KCTD8: variants seen among roughly 807,000 people sequenced by gnomAD.
The protein encoded by KCTD8 is potassium channel tetramerization domain containing 8.
KCTD8 carries 27 observed loss-of-function variants against 31.5 expected under a neutral mutation model. The ratio of observed to expected loss-of-function variants is 0.86; its 90% confidence interval spans 0.63 to 1.18. The LOEUF is 1.18. Among genes scored for constraint, KCTD8 ranks in the 50% most tolerant of loss-of-function variants. The pLI, the probability that KCTD8 is intolerant of heterozygous loss-of-function variation, is 0.00. For synonymous variants in KCTD8, 290 were observed against 280.0 expected, an observed-to-expected ratio of 1.04 and a Z score of -0.36; for missense variants, 658 against 647.7, an observed-to-expected ratio of 1.02 and a Z score of -0.17.
At chr4:44,284,250 C>CA (rs200778567) in intron 1 of KCTD8, among the ~76,000 whole-genome samples, 4,472 of 152,128 alleles carry the variant, frequency 0.029, 236 homozygotes, top group African/African-American at 0.1. Flanking sequence ...GTACAGTAAC[C>CA]AAACAGCATG....
chr4:44,283,651 T>C (rs1212478128), intron 1 of KCTD8, among the ~76,000 whole-genome samples: 1 of 152,110 alleles, frequency 6.6e-6, no homozygotes, highest in East Asian at 1.9e-4. Flanking sequence ...AAGCCCACTA[T>C]TGAGACCTAC....
intron 1 of KCTD8, among the ~76,000 whole-genome samples, chr4:44,228,671 A>G (rs1160064217): frequency 3.3e-5 from 5 of 152,234 alleles, no homozygotes; most frequent in African/African-American, 4.8e-5. Context: ...TTCCTGACCA[A>G]TCTGAAACAC....
At chr4:44,436,642 T>C (rs1208790936) in intron 1 of KCTD8, among the ~76,000 whole-genome samples, 2 of 152,086 alleles carry the variant, frequency 1.3e-5, no homozygotes, top group Non-Finnish European at 2.9e-5. Flanking sequence ...TGAAATAATA[T>C]TTGGGGTTTG....
At chr4:44,240,988 G>T (rs963810794) in intron 1 of KCTD8, among the ~76,000 whole-genome samples, 1 of 152,120 alleles carries the variant, frequency 6.6e-6, no homozygotes, top group East Asian at 1.9e-4. Flanking sequence ...AATCACAGAT[G>T]GTTTTGAGAC....
At chr4:44,442,902 C>G (rs866540933) in intron 1 of KCTD8, among the ~76,000 whole-genome samples, 1 of 151,808 alleles carries the variant, frequency 6.6e-6, no homozygotes, top group Non-Finnish European at 1.5e-5. Flanking sequence ...AAAGATTGAC[C>G]CACACAAAGC....
intron 1 of KCTD8, among the ~76,000 whole-genome samples, chr4:44,203,944 A>T (rs979916657): frequency 8.6e-5 from 13 of 151,546 alleles, no homozygotes; most frequent in African/African-American, 2.9e-4. Context: ...ATTTAGTAAT[A>T]AAAAAAAGCA....
At chr4:44,436,814 A>C (rs1438962860) in intron 1 of KCTD8, among the ~76,000 whole-genome samples, 1 of 152,120 alleles carries the variant, frequency 6.6e-6, no homozygotes, top group Non-Finnish European at 1.5e-5. Flanking sequence ...ATAACATCTA[A>C]GCAAAGACTA....
chr4:44,349,068 ACCG>A (rs1393144810), intron 1 of KCTD8, among the ~76,000 whole-genome samples: 7 of 93,974 alleles, frequency 7.4e-5, no homozygotes, highest in Non-Finnish European at 1.6e-4. Flanking sequence ...CATCGCTGCC[ACCG>A]CCACCACCAC....
At chr4:44,373,957 CA>C (rs1560438971) in intron 1 of KCTD8, among the ~76,000 whole-genome samples, 2 of 152,158 alleles carry the variant, frequency 1.3e-5, no homozygotes, top group African/African-American at 4.8e-5. Flanking sequence ...TAGTTAAAAA[CA>C]TATAAATCTG....
intron 1 of KCTD8, among the ~76,000 whole-genome samples, chr4:44,390,786 T>C (rs1422748413): frequency 6.6e-6 from 1 of 151,900 alleles, no homozygotes; most frequent in African/African-American, 2.4e-5. Context: ...GCATTGATAA[T>C]AAAATAATAG....
intron 1 of KCTD8, among the ~76,000 whole-genome samples, chr4:44,366,039 T>C (rs1255540432): frequency 3.9e-5 from 6 of 152,212 alleles, no homozygotes; most frequent in Non-Finnish European, 4.4e-5. Context: ...ACATGATTTA[T>C]ATAAAATTAT....
chr4:44,411,654 G>T (rs956033963), intron 1 of KCTD8, among the ~76,000 whole-genome samples: 1 of 152,072 alleles, frequency 6.6e-6, no homozygotes, highest in Non-Finnish European at 1.5e-5. Flanking sequence ...TAGGGTTGTA[G>T]AAATGGAATT....
intron 1 of KCTD8, among the ~76,000 whole-genome samples, chr4:44,323,567 T>C (rs1481822695): frequency 3.6e-5 from 5 of 140,468 alleles, no homozygotes; most frequent in African/African-American, 1.3e-4. Flanking sequence ...AGGAAACGTA[T>C]GACAAGTCTA....
intron 1 of KCTD8, among the ~76,000 whole-genome samples, chr4:44,278,239 T>C (rs1220000741): frequency 6.6e-6 from 1 of 152,062 alleles, no homozygotes; most frequent in Non-Finnish European, 1.5e-5. Flanking sequence ...TAACTATATG[T>C]ATCAACATGA....
chr4:44,388,207 T>C (rs781673418), intron 1 of KCTD8, among the ~76,000 whole-genome samples: 1 of 151,530 alleles, frequency 6.6e-6, no homozygotes, highest in Non-Finnish European at 1.5e-5. Flanking sequence ...CAAAAAATAA[T>C]AGATGCTAGT....
At chr4:44,437,957 GACC>G (rs2109482178) in intron 1 of KCTD8, among the ~76,000 whole-genome samples, 1 of 151,964 alleles carries the variant, frequency 6.6e-6, no homozygotes, top group East Asian at 1.9e-4. Flanking sequence ...AATAATTTGC[GACC>G]ACCACACCTG....
intron 1 of KCTD8, among the ~76,000 whole-genome samples, chr4:44,231,012 G>C (rs990844676): frequency 5.9e-5 from 9 of 152,094 alleles, no homozygotes; most frequent in African/African-American, 2.2e-4. Flanking sequence ...TATAAATTTG[G>C]TCCTAAATTC....
At chr4:44,445,659 G>A (rs1721919485) in intron 1 of KCTD8, among the ~76,000 whole-genome samples, 1 of 152,020 alleles carries the variant, frequency 6.6e-6, no homozygotes, top group Non-Finnish European at 1.5e-5. Flanking sequence ...CTTTCTAGAG[G>A]AATAAGAAAA....
chr4:44,433,209 A>C (rs1721545587), intron 1 of KCTD8, among the ~76,000 whole-genome samples: 1 of 151,788 alleles, frequency 6.6e-6, no homozygotes, highest in South Asian at 2.1e-4. Context: ...CTCTAAGATA[A>C]AGCCATCACC....
Sources: allele counts gnomAD v4.1 joint callset (sites outside exome capture counted in the v4.1 genomes callset), GRCh38; gene constraint gnomAD v4.1.1; transcripts MANE v1.5; gene names NCBI Gene and HGNC (gene_info 2026-07-23, HGNC 2026-07-21).